The following SGCD variants were observed in gnomAD, a reference collection of about 807,000 sequenced individuals.
The protein encoded by SGCD is sarcoglycan delta, also known as delta-sarcoglycan.
SGCD carries 18 observed loss-of-function variants against 36.6 expected under a neutral mutation model. The observed-to-expected ratio is 0.49, with a 90% confidence interval of 0.34 to 0.73. The LOEUF (loss-of-function observed/expected upper bound fraction) is 0.73. SGCD is among the 30% of genes least tolerant of loss of function. The probability of loss-of-function intolerance (pLI) is 0.01; values close to 1 mark genes in which losing one functional copy is unlikely to be tolerated. For missense variants in SGCD, 387 were observed against 346.7 expected (o/e 1.12, Z -0.92); for synonymous variants, 133 against 130.6 (o/e 1.02, Z -0.12).
intron 3 of SGCD, among the ~76,000 whole-genome samples, chr5:156,192,403 A>C (rs958774607): frequency 2.6e-5 from 4 of 152,160 alleles, no homozygotes; most frequent in Non-Finnish European, 2.9e-5. Context: ...TCTCACTCAT[A>C]TGTGAGAGCT....
At chr5:156,551,908 A>G (rs1341108127) in intron 4 of SGCD, among the ~76,000 whole-genome samples, 4 of 152,144 alleles carry the variant, frequency 2.6e-5, no homozygotes, top group Admixed American at 2.0e-4. Context: ...CAAAAAGGTC[A>G]TCTCCTCCAG....
chr5:156,748,684 T>C (rs1757034989), intron 7 of SGCD, among the ~76,000 whole-genome samples: 2 of 152,160 alleles, frequency 1.3e-5, no homozygotes, highest in Admixed American at 1.3e-4. Flanking sequence ...GTGGAACAAC[T>C]AAATAACTTG....
chr5:156,335,316 C>T (rs1223184842), intron 2 of SGCD, among the ~76,000 whole-genome samples: 3 of 152,114 alleles, frequency 2.0e-5, no homozygotes, highest in African/African-American at 7.2e-5. Flanking sequence ...ATTTGTGGGG[C>T]ACCTTGATAA....
chr5:156,263,893 G>A (rs138183836), intron 3 of SGCD, among the ~76,000 whole-genome samples: 5 of 152,168 alleles, frequency 3.3e-5, no homozygotes, highest in Admixed American at 2.0e-4. Context: ...TCAAAGATCA[G>A]TTGGCTATAA....
At chr5:156,408,032 A>G (rs1772516883) in intron 3 of SGCD, among the ~76,000 whole-genome samples, 1 of 152,232 alleles carries the variant, frequency 6.6e-6, no homozygotes. Context: ...AGATGGTATT[A>G]TAAAGAAGGA....
chr5:156,337,644 A>G (rs1255014969), intron 2 of SGCD, among the ~76,000 whole-genome samples: 1 of 152,088 alleles, frequency 6.6e-6, no homozygotes, highest in Non-Finnish European at 1.5e-5. Flanking sequence ...TCTCTATTAC[A>G]GGTACCTCTT....
intron 3 of SGCD, among the ~76,000 whole-genome samples, chr5:156,427,488 A>G (rs921296211): frequency 2.6e-5 from 4 of 152,098 alleles, no homozygotes; most frequent in Non-Finnish European, 5.9e-5. Flanking sequence ...GTGAACAGCG[A>G]CAGTTTTACT....
intron 3 of SGCD, among the ~76,000 whole-genome samples, chr5:156,450,429 G>C (rs1300867724): frequency 6.6e-6 from 1 of 151,740 alleles, no homozygotes; most frequent in Non-Finnish European, 1.5e-5. Flanking sequence ...TTCAGAAAGA[G>C]AGTTCTTAAA....
intron 1 of SGCD, among the ~76,000 whole-genome samples, chr5:155,996,423 C>T (rs1247043347): frequency 1.3e-5 from 2 of 152,090 alleles, no homozygotes; most frequent in African/African-American, 4.8e-5. Context: ...TGTCCTCTTT[C>T]CTGTATTTGC....
At chr5:156,341,292 T>G (rs1199316274) in intron 2 of SGCD, among the ~76,000 whole-genome samples, 1 of 152,210 alleles carries the variant, frequency 6.6e-6, no homozygotes, top group Non-Finnish European at 1.5e-5. Flanking sequence ...GACCCTGCTT[T>G]AAGCAGAGGA....
At chr5:156,727,683 A>G (rs1755846121) in intron 7 of SGCD, among the ~76,000 whole-genome samples, 2 of 126,842 alleles carry the variant, frequency 1.6e-5, no homozygotes, top group Non-Finnish European at 1.8e-5. Flanking sequence ...TTTTCTGTCT[A>G]TCTTGGTTTC....
At chr5:155,871,665 G>A (rs970041419) in intron 1 of SGCD, among the ~76,000 whole-genome samples, 3 of 152,136 alleles carry the variant, frequency 2.0e-5, no homozygotes, top group Non-Finnish European at 4.4e-5. Context: ...GTGTTATGGA[G>A]GGGAGACTGA....
At chr5:156,386,243 G>A (rs62380724) in intron 3 of SGCD, among the ~76,000 whole-genome samples, 1 of 152,046 alleles carries the variant, frequency 6.6e-6, no homozygotes, top group African/African-American at 2.4e-5. Flanking sequence ...GTGTGACAAG[G>A]TAAAGAGGGT....
chr5:156,605,476 C>T (rs1761397615), intron 6 of SGCD, among the ~76,000 whole-genome samples: 1 of 152,158 alleles, frequency 6.6e-6, no homozygotes, highest in African/African-American at 2.4e-5. Context: ...GGTTCCAAGG[C>T]TTTGCTAGTG....
At chr5:156,438,150 C>T (rs746356126) in intron 3 of SGCD, among the ~76,000 whole-genome samples, 5 of 152,138 alleles carry the variant, frequency 3.3e-5, no homozygotes, top group Non-Finnish European at 5.9e-5. Flanking sequence ...AGTAGGAAAT[C>T]AAGCATTTTT....
At chr5:156,446,843 A>G (rs1185811654) in intron 3 of SGCD, among the ~76,000 whole-genome samples, 1 of 152,214 alleles carries the variant, frequency 6.6e-6, no homozygotes, top group African/African-American at 2.4e-5. Context: ...GTAGAATTTT[A>G]GAATTGGAAG....
chr5:155,773,673 G>T, the SGCD span, among the ~76,000 whole-genome samples: 1 of 152,154 alleles, frequency 6.6e-6, no homozygotes, highest in African/African-American at 2.4e-5. Flanking sequence ...ATTCTAAGAT[G>T]ATGGGAGGAC....
In SGCD at chr5:155,954,953, G is replaced by A. The variant is rs542298377; in HGVS notation, c.-282+84529G>A. The stretch of plus-strand genomic sequence containing the variant: ...GCAGTCTGAAAGCAGACAGGCTCGA[G>A]ACCCAAGCAGAGCCAGTGTTTTAGT... On this transcript the variant is annotated intron_variant, in intron 1 of 9. Coordinates refer to the SGCD transcript ENST00000517913. Among the ~76,000 whole-genome samples the A allele has an allele frequency of 2.6e-4, 39 of 152,244 alleles. 1 individual carries two copies. In the South Asian group the frequency reaches 7.1e-3, roughly 28 times the overall value.
intron 7 of SGCD, chr5:156,704,259 T>C (rs1268040858): frequency 2.6e-5 from 4 of 152,202 alleles, no homozygotes; most frequent in African/African-American, 9.6e-5. Flanking sequence ...GCTTCTATCC[T>C]ATCATTTCAT....
Sources: allele counts gnomAD v4.1 joint callset (sites outside exome capture counted in the v4.1 genomes callset), GRCh38; gene constraint gnomAD v4.1.1; transcripts MANE v1.5; gene names NCBI Gene and HGNC (gene_info 2026-07-23, HGNC 2026-07-21).